The following ITGA9 variants were observed in gnomAD, a reference collection of about 807,000 sequenced individuals.
ITGA9 encodes the protein integrin subunit alpha 9, also known as integrin alpha-9.
A neutral mutation model predicts 127.8 loss-of-function variants in ITGA9; 56 were observed. That is an observed-to-expected ratio of 0.44 (90% CI 0.35 to 0.55). The LOEUF (loss-of-function observed/expected upper bound fraction) is 0.55, where lower values mean the gene tolerates loss of function less well. Ranked by LOEUF, ITGA9 falls within the 20% of genes least tolerant of loss-of-function variation. ITGA9 has a pLI of 0.00. For missense variants in ITGA9, 1,196 were observed against 1,347.1 expected (o/e 0.89, Z 1.76); for synonymous variants, 508 against 514.5 (o/e 0.99, Z 0.17).
chr3:37,526,179 G>A, intron 13 of ITGA9, 108 bp downstream of exon 13: 2 of 952,334 alleles, frequency 2.1e-6, no homozygotes. Context: ...TAGGCTGGAG[G>A]TGCTTAGTAA....
At chr3:37,602,289 G>A (rs1699929417) in intron 15 of ITGA9, among the ~76,000 whole-genome samples, 2 of 152,022 alleles carry the variant, frequency 1.3e-5, no homozygotes, top group Non-Finnish European at 1.5e-5. Context: ...AAAAAAAAAT[G>A]TTTGTTCTTA....
intron 18 of ITGA9, among the ~76,000 whole-genome samples, chr3:37,709,547 G>A (rs1192991596): frequency 1.3e-5 from 2 of 152,252 alleles, no homozygotes; most frequent in East Asian, 1.9e-4. Flanking sequence ...GAGAGTGTGA[G>A]GAAGGGGAGA....
chr3:37,452,671 C>A lies in ITGA9; in HGVS notation c.185+112C>A. On this transcript the variant is annotated intron_variant, in intron 1 of 27. Coordinates refer to ENST00000264741, the MANE Select transcript of ITGA9 (RefSeq NM_002207.3). This position sits in a 1 kb window ranked among gnomAD's most constrained non-coding sequence, Gnocchi z 7.3. The stretch of plus-strand genomic sequence containing the variant: ...CTTCCACGCCGCCGTCCCGAGGGGG[C>A]GATTTAAATGTCTCCGTTGCGCGCG... The A allele has an allele frequency of 1.0e-6, 1 of 974,182 alleles. No individual in the cohort carries two copies. The highest frequency in any genetic ancestry group is 1.4e-6 in the Non-Finnish European group (1 of 715,758). The allele number at this position is 974,182 out of a possible 1,614,324, so 60.3% of individuals were successfully genotyped here.
In ITGA9 at chr3:37,629,482, G is replaced by A; in HGVS notation, c.1839+146G>A. On this transcript the variant is annotated intron_variant, in intron 16 of 27. Transcript: ENST00000264741. This position sits in a 1 kb window ranked among gnomAD's most constrained non-coding sequence, Gnocchi z 4.5. ...CCTCCTCTCTGGGTCTCCCTTTTCT[G>A]ATCTGCAAAATGATAAAATAAACAG... 1 of 821,650 alleles carries A rather than the reference G, an allele frequency of 1.2e-6. No homozygotes were observed. The highest frequency in any genetic ancestry group is 2.0e-6 in the Non-Finnish European group (1 of 497,008). 50.9% of individuals were successfully genotyped at this position (821,650 alleles called of 1,614,324 possible). A position where few individuals can be genotyped will look rare whatever the true frequency, so the allele number is the denominator to read the frequency against.
intron 15 of ITGA9, among the ~76,000 whole-genome samples, chr3:37,624,197 A>AC (rs1359077714): frequency 9.8e-6 from 1 of 102,390 alleles, no homozygotes; most frequent in South Asian, 3.0e-4. Context: ...AAGAAAAAAA[A>AC]CCCTTTTTTT....
chr3:37,643,946 G>A (rs61280581), intron 16 of ITGA9, among the ~76,000 whole-genome samples: 13,295 of 152,040 alleles, frequency 0.087, 726 homozygotes, highest in East Asian at 0.15. Flanking sequence ...TTCTCTGACA[G>A]CACCAGCCCC....
intron 26 of ITGA9, among the ~76,000 whole-genome samples, chr3:37,793,292 T>C (rs1697133661): frequency 6.6e-6 from 1 of 151,516 alleles, no homozygotes; most frequent in Non-Finnish European, 1.5e-5. Context: ...GGTTGCCCAG[T>C]CCATCAAAGG....
intron 18 of ITGA9, among the ~76,000 whole-genome samples, chr3:37,687,935 G>T (rs951689462): frequency 6.6e-6 from 1 of 152,220 alleles, no homozygotes; most frequent in Non-Finnish European, 1.5e-5. Context: ...GCAGGTTACT[G>T]CCGTAGGCAC....
chr3:37,751,504 T>G (rs936840975), intron 23 of ITGA9, among the ~76,000 whole-genome samples: 5 of 152,054 alleles, frequency 3.3e-5, no homozygotes, highest in African/African-American at 1.2e-4. Flanking sequence ...GCAGGAGCCT[T>G]TTTTTTTCCT....
At chr3:37,753,627 A>G (rs1696616203) in intron 23 of ITGA9, 1 of 152,254 alleles carries the variant, frequency 6.6e-6, no homozygotes, top group Non-Finnish European at 1.5e-5. Context: ...CCTTCTGCAG[A>G]TGTACAGCAG....
At chr3:37,495,655 G>A (rs1698720510) in intron 5 of ITGA9, among the ~76,000 whole-genome samples, 1 of 152,086 alleles carries the variant, frequency 6.6e-6, no homozygotes, top group South Asian at 2.1e-4. Context: ...GAGGTACACT[G>A]GCCCTGATTG....
chr3:37,654,503 T>C (rs1207197036), intron 17 of ITGA9, among the ~76,000 whole-genome samples: 1 of 152,230 alleles, frequency 6.6e-6, no homozygotes, highest in Non-Finnish European at 1.5e-5. Context: ...AAACAGTTCC[T>C]TCTGAAAGAC....
intron 23 of ITGA9, among the ~76,000 whole-genome samples, chr3:37,773,935 T>C (rs1233934395): frequency 3.9e-5 from 6 of 152,392 alleles, no homozygotes; most frequent in Admixed American, 1.3e-4. Context: ...TTCATTCTTA[T>C]GTTTCACACA....
intron 7 of ITGA9, among the ~76,000 whole-genome samples, chr3:37,507,312 G>A (rs895097556): frequency 4.6e-5 from 7 of 152,148 alleles, no homozygotes; most frequent in Non-Finnish European, 7.3e-5. Context: ...GAGGGGCTGC[G>A]GGCTACCGGG....
chr3:37,486,188 G>A (rs573539668), intron 4 of ITGA9, among the ~76,000 whole-genome samples: 14 of 152,272 alleles, frequency 9.2e-5, no homozygotes, highest in African/African-American at 3.1e-4. Context: ...TATTGTGACC[G>A]AAAAACCTGA....
intron 26 of ITGA9, among the ~76,000 whole-genome samples, chr3:37,794,410 C>G (rs937681343): frequency 6.6e-6 from 1 of 152,196 alleles, no homozygotes; most frequent in Non-Finnish European, 1.5e-5. Context: ...ACAGCTGACC[C>G]TCTGTCTTAG....
chr3:37,530,608 C>A (rs13316188), intron 13 of ITGA9, among the ~76,000 whole-genome samples: 6,179 of 152,044 alleles, frequency 0.041, 412 homozygotes, highest in African/African-American at 0.14. Context: ...GGCCAAGGCA[C>A]CTTGAGCAAC....
At chr3:37,516,238 C>T (rs934521968) in intron 9 of ITGA9, among the ~76,000 whole-genome samples, 1 of 152,136 alleles carries the variant, frequency 6.6e-6, no homozygotes, top group East Asian at 1.9e-4. Flanking sequence ...ATTCTAAGTA[C>T]CAGAGTATTC....
chr3:37,664,284 T>C lies in ITGA9; in HGVS notation c.1916+10494T>C, dbSNP rs1463807574. 3.3e-5 allele frequency among the ~76,000 whole-genome samples: 5 copies of C among 152,214 alleles called. No homozygotes were observed. In the South Asian group the frequency reaches 8.3e-4, roughly 25 times the overall value. Reference sequence around the variant, plus strand: ...TGGGCAAAAAATCCACCAGCAAAGATAGCTGCCATCCCTCCCCTCCATTCT... The same window carrying C: ...TGGGCAAAAAATCCACCAGCAAAGACAGCTGCCATCCCTCCCCTCCATTCT... On this transcript the variant is annotated intron_variant, in intron 17 of 27. Transcript: ENST00000264741.
Sources: gnomAD v4.1 joint callset for allele counts (sites outside exome capture counted in the v4.1 genomes callset) on GRCh38, gnomAD v4.1.1 for gene constraint, Gnocchi (gnomAD v3.1) non-coding constraint, MANE v1.5 for transcripts, NCBI Gene and HGNC (gene_info 2026-07-23, HGNC 2026-07-21) for gene names.